The following SAMD12 variants were observed in gnomAD, a reference collection of about 807,000 sequenced individuals.
The protein encoded by SAMD12 is sterile alpha motif domain-containing protein 12.
SAMD12 carries 9 observed loss-of-function variants against 15.0 expected under a neutral mutation model. The ratio of observed to expected loss-of-function variants is 0.60; its 90% CI spans 0.36 to 1.05. SAMD12 has a LOEUF of 1.05. Ranked by LOEUF, SAMD12 falls within the 50% of genes least tolerant of loss-of-function variation. The pLI is 0.01. For missense variants in SAMD12, 230 were observed against 234.2 expected, an observed-to-expected ratio of 0.98 and a Z score of 0.12; for synonymous variants, 86 against 90.1, an observed-to-expected ratio of 0.96 and a Z score of 0.25.
At chr8:118,310,015 T>C (rs1815553124) in intron 4 of SAMD12, among the ~76,000 whole-genome samples, 4 of 152,210 alleles carry the variant, frequency 2.6e-5, no homozygotes, top group African/African-American at 7.2e-5. Context: ...CTACTTTCCT[T>C]ATAGAACAGG....
intron 2 of SAMD12, among the ~76,000 whole-genome samples, chr8:118,539,550 G>A (rs1325098512): frequency 6.6e-6 from 1 of 152,102 alleles, no homozygotes; most frequent in African/African-American, 2.4e-5. Context: ...TTCCTAGTCT[G>A]AAATTAATTT....
At chr8:118,534,642 C>T (rs1253421965) in intron 2 of SAMD12, among the ~76,000 whole-genome samples, 1 of 152,154 alleles carries the variant, frequency 6.6e-6, no homozygotes, top group East Asian at 1.9e-4. Flanking sequence ...TTGTTCATTT[C>T]TTTTTACTCT....
chr8:118,594,064 T>C (rs959260941), intron 1 of SAMD12, among the ~76,000 whole-genome samples: 1 of 152,190 alleles, frequency 6.6e-6, no homozygotes, highest in African/African-American at 2.4e-5. Flanking sequence ...TTTCTTGTTA[T>C]AAGCTTTTAG....
chr8:118,490,103 A>G (rs1432802865), intron 2 of SAMD12, among the ~76,000 whole-genome samples: 1 of 152,190 alleles, frequency 6.6e-6, no homozygotes, highest in African/African-American at 2.4e-5. Flanking sequence ...ATAGCATTCA[A>G]AAAAATAAGA....
chr8:118,366,812 C>CAAAAATAAAATA (rs201807072), intron 4 of SAMD12, among the ~76,000 whole-genome samples: 15 of 78,104 alleles, frequency 1.9e-4, no homozygotes, highest in South Asian at 8.7e-4. Context: ...AACTCTGTCT[C>CAAAAATAAAATA]AAATAAAATA....
chr8:118,609,974 T>G (rs987298980), intron 1 of SAMD12, among the ~76,000 whole-genome samples: 1 of 152,188 alleles, frequency 6.6e-6, no homozygotes, highest in Non-Finnish European at 1.5e-5. Flanking sequence ...CTGGCTGGAC[T>G]GTAAGTTCCA....
At chr8:118,390,714 A>G (rs995670150) in intron 3 of SAMD12, among the ~76,000 whole-genome samples, 2 of 152,196 alleles carry the variant, frequency 1.3e-5, no homozygotes, top group Non-Finnish European at 2.9e-5. Flanking sequence ...CCCACCGTCA[A>G]GTCCGGTCAC....
intron 4 of SAMD12, among the ~76,000 whole-genome samples, chr8:118,338,124 AATC>A (rs1258772980): frequency 6.6e-6 from 1 of 152,200 alleles, no homozygotes; most frequent in Non-Finnish European, 1.5e-5. Context: ...AATGTACTGA[AATC>A]ATCAGGATAG....
chr8:118,316,661 T>A (rs1815922005), intron 4 of SAMD12, among the ~76,000 whole-genome samples: 1 of 152,112 alleles, frequency 6.6e-6, no homozygotes, highest in Non-Finnish European at 1.5e-5. Flanking sequence ...GAGTGTTAAC[T>A]GGTACAACCA....
intron 3 of SAMD12, among the ~76,000 whole-genome samples, chr8:118,382,608 G>C (rs1051690304): frequency 6.6e-6 from 1 of 152,188 alleles, no homozygotes; most frequent in Non-Finnish European, 1.5e-5. Flanking sequence ...ATACAATCAT[G>C]CTTATGAACA....
At chr8:118,314,632 G>A (rs1229838194) in intron 4 of SAMD12, among the ~76,000 whole-genome samples, 1 of 152,126 alleles carries the variant, frequency 6.6e-6, no homozygotes, top group Non-Finnish European at 1.5e-5. Flanking sequence ...TATGCACATA[G>A]AATCATAGAG....
At chr8:118,593,759 C>G (rs1003911225) in intron 1 of SAMD12, among the ~76,000 whole-genome samples, 3 of 152,066 alleles carry the variant, frequency 2.0e-5, no homozygotes, top group African/African-American at 7.2e-5. Flanking sequence ...AATTTGAGGT[C>G]AGAAATTACG....
chr8:118,250,804 CA>C (rs910588935), intron 4 of SAMD12, among the ~76,000 whole-genome samples: 2 of 151,830 alleles, frequency 1.3e-5, no homozygotes, highest in African/African-American at 4.8e-5. Flanking sequence ...TGCATCTCAC[CA>C]AAAAATGGAG....
chr8:118,190,260 T>C (rs1237104679), exon 5 of SAMD12: 1 of 152,184 alleles, frequency 6.6e-6, no homozygotes, highest in Non-Finnish European at 1.5e-5. Flanking sequence ...TGTGTAATTT[T>C]TCTTCCTCTT....
At chr8:118,457,742 G>A (rs80128534) in intron 2 of SAMD12, among the ~76,000 whole-genome samples, 2,750 of 152,222 alleles carry the variant, frequency 0.018, 86 homozygotes, top group African/African-American at 0.063. Context: ...GCATGAAGCT[G>A]GCTCTTATTA....
intron 4 of SAMD12, among the ~76,000 whole-genome samples, chr8:118,282,871 T>G (rs563226224): frequency 6.6e-6 from 1 of 152,152 alleles, no homozygotes; most frequent in African/African-American, 2.4e-5. Flanking sequence ...TGTAGCTGTA[T>G]GTATACATAT....
At chr8:118,308,149 CAT>C (rs1815441656) in intron 4 of SAMD12, among the ~76,000 whole-genome samples, 1 of 152,166 alleles carries the variant, frequency 6.6e-6, no homozygotes, top group East Asian at 1.9e-4. Context: ...ATTTTGTAAA[CAT>C]AGTCATTTCT....
At chr8:118,277,244 A>G (rs561903628) in intron 4 of SAMD12, among the ~76,000 whole-genome samples, 3 of 152,184 alleles carry the variant, frequency 2.0e-5, no homozygotes, top group East Asian at 3.8e-4. Context: ...CACATGGTGC[A>G]TAGTTCGAGT....
At chr8:118,327,282 A>G (rs1816611625) in intron 4 of SAMD12, among the ~76,000 whole-genome samples, 1 of 152,210 alleles carries the variant, frequency 6.6e-6, no homozygotes, top group Admixed American at 6.5e-5. Context: ...CTGAAAATCC[A>G]GAATGTGTTC....
Sources: gnomAD v4.1 joint callset for allele counts (sites outside exome capture counted in the v4.1 genomes callset) on GRCh38, gnomAD v4.1.1 for gene constraint, MANE v1.5 for transcripts, NCBI Gene and HGNC (gene_info 2026-07-23, HGNC 2026-07-21) for gene names.